The following LOC400499 variants were observed in gnomAD, a reference collection of about 807,000 sequenced individuals.
chr16:11,456,271 C>T, the LOC400499 span, among the ~76,000 whole-genome samples: 1 of 152,146 alleles, frequency 6.6e-6, no homozygotes, highest in African/African-American at 2.4e-5. Flanking sequence ...TCTTGAACTC[C>T]TGACCTCAAG....
chr16:11,397,473 C>A, the LOC400499 span, among the ~76,000 whole-genome samples: 1 of 152,108 alleles, frequency 6.6e-6, no homozygotes, highest in South Asian at 2.1e-4. Flanking sequence ...AGAGGTTTCA[C>A]CATGTTAGCC....
the LOC400499 span, among the ~76,000 whole-genome samples, chr16:11,481,984 T>TA: frequency 6.6e-5 from 10 of 151,934 alleles, no homozygotes; most frequent in African/African-American, 2.2e-4. Context: ...TTTCATCTCT[T>TA]AAAAAAAAGA....
At chr16:11,380,778 C>G in the LOC400499 span, 1 of 152,146 alleles carries the variant, frequency 6.6e-6, no homozygotes, top group Non-Finnish European at 1.5e-5. Flanking sequence ...GGCTGTAAGT[C>G]TTCTCTGTTG....
chr16:11,397,229 T>G, the LOC400499 span, among the ~76,000 whole-genome samples: 1 of 152,070 alleles, frequency 6.6e-6, no homozygotes, highest in African/African-American at 2.4e-5. Flanking sequence ...AGATAAGGGG[T>G]GGGAAACTAT....
the LOC400499 span, among the ~76,000 whole-genome samples, chr16:11,430,288 C>A: frequency 4.6e-5 from 7 of 152,072 alleles, no homozygotes; most frequent in Non-Finnish European, 5.9e-5. Flanking sequence ...GAGTTCGAGA[C>A]CAGCCTGGTC....
the LOC400499 span, among the ~76,000 whole-genome samples, chr16:11,500,264 G>A: frequency 1.3e-5 from 2 of 152,024 alleles, no homozygotes; most frequent in African/African-American, 2.4e-5. Flanking sequence ...TCCCAGCACT[G>A]TGGGAGGCTG....
the LOC400499 span, chr16:11,515,884 C>CCCCCCCCCCCCCCCCCCCCCAA: frequency 5.0e-5 from 2 of 40,212 alleles, no homozygotes; most frequent in East Asian, 1.3e-4. Context: ...CAGCCCAGCC[C>CCCCCCCCCCCCCCCCCCCCCAA]AGCCCAGCCT....
At chr16:11,475,411 T>G in the LOC400499 span, among the ~76,000 whole-genome samples, 1 of 152,246 alleles carries the variant, frequency 6.6e-6, no homozygotes, top group Admixed American at 6.5e-5. Flanking sequence ...CAGATTGTTC[T>G]GTGGATTTGT....
chr16:11,401,812 A>G, the LOC400499 span, among the ~76,000 whole-genome samples: 1 of 152,210 alleles, frequency 6.6e-6, no homozygotes, highest in Admixed American at 6.5e-5. Flanking sequence ...GTAAGCATTC[A>G]GGGCCTGTGA....
chr16:11,401,969 G>A, the LOC400499 span: 112 of 399,054 alleles, frequency 2.8e-4, 2 homozygotes, highest in South Asian at 0.012. Flanking sequence ...GGGCCCCAAA[G>A]ACCCCGCTCA....
chr16:11,526,573 GAAAT>G, the LOC400499 span, among the ~76,000 whole-genome samples: 4 of 152,126 alleles, frequency 2.6e-5, no homozygotes, highest in African/African-American at 9.7e-5. Context: ...TGTTGAATGG[GAAAT>G]AAATCTCATT....
the LOC400499 span, chr16:11,390,179 C>T: frequency 8.1e-7 from 1 of 1,232,524 alleles, no homozygotes; most frequent in South Asian, 4.1e-5. Flanking sequence ...TGGCCTCAGC[C>T]CAAGACAGCA....
the LOC400499 span, among the ~76,000 whole-genome samples, chr16:11,444,388 C>A: frequency 2.0e-5 from 3 of 152,008 alleles, no homozygotes; most frequent in Admixed American, 2.0e-4. Context: ...GGTGACAGAG[C>A]AAGACCCTGC....
At chr16:11,417,610 G>GA in the LOC400499 span, 7 of 399,038 alleles carry the variant, frequency 1.8e-5, no homozygotes, top group African/African-American at 1.2e-4. Context: ...CCCAGTCCCG[G>GA]GCTGTGCGCT....
At chr16:11,424,011 G>T in the LOC400499 span, 1 of 398,898 alleles carries the variant, frequency 2.5e-6, no homozygotes, top group South Asian at 1.3e-4. Flanking sequence ...CCGGCCGCCA[G>T]ACTACGTCCC....
At chr16:11,411,968 TCCTCCTGCCTCAC>T in the LOC400499 span, among the ~76,000 whole-genome samples, 1 of 151,938 alleles carries the variant, frequency 6.6e-6, no homozygotes, top group African/African-American at 2.4e-5. Flanking sequence ...ACTCAAGTGA[TCCTCCTGCCTCAC>T]CCTCCTGAGC....
the LOC400499 span, among the ~76,000 whole-genome samples, chr16:11,492,137 T>C: frequency 5.9e-5 from 9 of 152,170 alleles, no homozygotes; most frequent in African/African-American, 2.2e-4. Flanking sequence ...GAAAACAGCA[T>C]AGTGTCTCGC....
chr16:11,389,166 G>A, the LOC400499 span, among the ~76,000 whole-genome samples: 10 of 152,110 alleles, frequency 6.6e-5, no homozygotes, highest in Admixed American at 3.9e-4. Flanking sequence ...CTCTTACCAC[G>A]CTGGCCCCGT....
the LOC400499 span, chr16:11,446,443 C>T: frequency 9.8e-7 from 1 of 1,023,152 alleles, no homozygotes; most frequent in Non-Finnish European, 1.4e-6. Flanking sequence ...CAGGTGTGAG[C>T]CACTGCACTC....
Sources: gnomAD v4.1 joint callset for allele counts (sites outside exome capture counted in the v4.1 genomes callset) on GRCh38, gnomAD v4.1.1 for gene constraint, MANE v1.5 for transcripts.